The following KNL1 variants were observed in gnomAD, a reference collection of about 807,000 sequenced individuals.
KNL1 encodes the protein outer kinetochore KNL1 complex subunit KNL1.
A neutral mutation model predicts 201.3 loss-of-function variants in KNL1; 66 were observed. The ratio of observed to expected loss-of-function variants is 0.33; its 90% CI spans 0.27 to 0.40. KNL1 has a LOEUF of 0.40. Among genes scored for constraint, KNL1 ranks in the 10% least tolerant of loss-of-function variants. The probability of loss-of-function intolerance (pLI) is 1.00; values close to 1 mark genes in which losing one functional copy is unlikely to be tolerated. For synonymous variants in KNL1, 895 were observed against 899.2 expected (o/e 1.00, Z 0.08); for missense variants, 2,815 against 2,690.5 (o/e 1.05, Z -1.02).
rs770847630 is a variant in KNL1 at position 40,624,472 on chromosome 15, C to A, written c.4208C>A (p.Thr1403Asn). The change falls in exon 10 of 26, where the codon ACT (threonine) becomes AAT (asparagine). Residue 1403 changes from threonine (T) to asparagine (N), a missense_variant. Around this residue, in one of 3 missense-constraint regions of KNL1, gnomAD observed 2,464 missense variants for 2,291.7 expected, o/e 1.08. Transcript: ENST00000399668. The stretch of plus-strand genomic sequence containing the variant: ...CCACGAAATCTATTGGCTAATCAAA[C>A]TTTAGTATATAGTCAAGATCTGGGG... ...KDPRNLLANQ[T>N]LVYSQDLGEM... is the part of the protein sequence containing the mutation. The A allele has an allele frequency of 5.0e-6, 8 of 1,613,762 alleles. No individual in the cohort carries two copies. The highest frequency in any genetic ancestry group is 5.1e-6 in the Non-Finnish European group (6 of 1,179,850).
Position 40,621,840 on chromosome 15 carries a change from A to G in KNL1, c.1576A>G (p.Thr526Ala). The part of the protein sequence containing the change: ...KEMMLQNLMT[T>A]SEDGKMNVNC... ...AATGATGCTCCAAAATCTTATGACC[A>G]CATCAGAAGATGGGAAAATGAATGT... The change falls in exon 10 of 26, where the codon ACA becomes GCA. Residue 526 changes from threonine to alanine, a missense_variant. By Grantham distance (58) the Thr-to-Ala change is moderately conservative (BLOSUM62 0). This residue lies in a region of KNL1 where 2,464 missense variants were observed against 2,291.7 expected (regional missense o/e 1.08). Transcript: ENST00000399668. 3 of 1,613,602 alleles carry G rather than the reference A, an allele frequency of 1.9e-6. No individual in the cohort carries two copies. Among genetic ancestry groups the G allele is most frequent in the Non-Finnish European group, 2.5e-6 (3 of 1,179,494 alleles).
At position 40,629,369 on chromosome 15, in the gene KNL1, A is replaced by G. The variant is rs1016192551; in HGVS notation, c.5680A>G (p.Asn1894Asp). 6.3e-7 allele frequency: 1 copy of G among 1,591,726 alleles called. No homozygotes were observed. The highest frequency in any genetic ancestry group is 2.3e-5 in the East Asian group (1 of 43,944). Residue 1894 changes from asparagine (N) to aspartate (D), a missense_variant and splice_region_variant, in exon 13 of 26, where the codon AAT becomes GAT. By Grantham distance (23) the Asn-to-Asp change is conservative. Coordinates refer to ENST00000399668, the MANE Select transcript of KNL1 (RefSeq NM_144508.5). ...QKPRQSNLPG[N>D]FTVNTPPTPE... ...ACCCCGACAGAGCAATCTCCCAGGC[A>G]ATGTAAGTGCAGTTTCTTGGCAAAA...
rs1892515541 is a variant in KNL1, at chr15:40,621,267, A to G, written c.1003A>G (p.Asn335Asp). The G allele has an allele frequency of 1.2e-6, 2 of 1,613,902 alleles. No homozygotes were observed. The highest frequency in any genetic ancestry group is 1.3e-5 in the African/African-American group (1 of 74,938). Reference sequence around the variant, plus strand: ...TTTGCAGATCTTACCTGCAACAGGTAATTTTTCTGAAATAGAAAATCAAAC... The same window carrying G: ...TTTGCAGATCTTACCTGCAACAGGTGATTTTTCTGAAATAGAAAATCAAAC... ...HTLQILPATGNFSEIENQTQN... is the reference protein window; with the variant it reads ...HTLQILPATGDFSEIENQTQN... The change falls in exon 10 of 26, where the codon AAT (asparagine) becomes GAT (aspartate). Residue 335 changes from asparagine (N) to aspartate (D), a missense_variant. By Grantham distance (23) the Asn-to-Asp change is conservative (BLOSUM62 1). Transcript: ENST00000399668.
chr15:40,594,884 A>G (rs1185573333), intron 1 of KNL1, among the ~76,000 whole-genome samples: 1 of 152,256 alleles, frequency 6.6e-6, no homozygotes, highest in Non-Finnish European at 1.5e-5. Flanking sequence ...GGCCGCACGT[A>G]ACAGATTTTT....
At chr15:40,605,325 A>G (rs1595914836) in intron 3 of KNL1, among the ~76,000 whole-genome samples, 176 bp downstream of exon 3, 1 of 152,180 alleles carries the variant, frequency 6.6e-6, no homozygotes, top group Non-Finnish European at 1.5e-5. Flanking sequence ...ACCAAAATTC[A>G]TACTTTATGA....
chr15:40,652,527 T>C (rs912616135), intron 21 of KNL1, among the ~76,000 whole-genome samples: 5 of 150,564 alleles, frequency 3.3e-5, no homozygotes, highest in Non-Finnish European at 7.4e-5. Flanking sequence ...CCCAACACTT[T>C]GGGAGGCTGA....
At chr15:40,628,843 T>C (rs1269624657) in intron 12 of KNL1, among the ~76,000 whole-genome samples, 165 bp downstream of exon 12, 2 of 152,134 alleles carry the variant, frequency 1.3e-5, no homozygotes, top group African/African-American at 4.8e-5. Flanking sequence ...AACATAACAA[T>C]TAATTAAATG....
Position 40,623,286 on chromosome 15 carries a change from C to T in KNL1, c.3022C>T (p.Leu1008=). Residue 1008 remains leucine (L), a synonymous_variant, in exon 10 of 26, where the codon CTA becomes TTA. Coordinates refer to ENST00000399668, the MANE Select transcript of KNL1 (RefSeq NM_144508.5). ...FFPGNGESDR[L]VANDSQLTPL... ...TCCAGGAAATGGTGAAAGTGACCGT[C>T]TAGTAGCAAATGACAGCCAGCTAAC... is the stretch of plus-strand genomic sequence containing the variant. 1 of 1,613,854 alleles carries T rather than the reference C, an allele frequency of 6.2e-7. No homozygotes were observed. Among genetic ancestry groups the T allele is most frequent in the Non-Finnish European group, 8.5e-7 (1 of 1,179,860 alleles).
chr15:40,621,732 C>A lies in KNL1; in HGVS notation c.1468C>A (p.His490Asn). ...GGAGAACATGGACATTACCAAGAGT[C>A]ATACAGTTGCAATAGATAATCAAAT... is the stretch of plus-strand genomic sequence containing the variant. ...GEENMDITKSHTVAIDNQIFK... is the reference protein window; with the variant it reads ...GEENMDITKSNTVAIDNQIFK... Residue 490 changes from histidine to asparagine, a missense_variant, in exon 10 of 26, where the codon CAT becomes AAT. Transcript: ENST00000399668. 1 of 1,613,158 alleles carries A rather than the reference C, an allele frequency of 6.2e-7. No individual in the cohort carries two copies. The highest frequency in any genetic ancestry group is 1.1e-5 in the South Asian group (1 of 90,988).
chr15:40,661,844 C>T (rs185507753), intron 25 of KNL1, among the ~76,000 whole-genome samples: 205 of 152,160 alleles, frequency 1.3e-3, no homozygotes, highest in Admixed American at 1.7e-3. Flanking sequence ...AGATCGAGAC[C>T]ATCCTGAGTA....
In KNL1 at chr15:40,641,416, A is replaced by G. The variant is rs192143327; in HGVS notation, c.5798+389A>G. On this transcript the variant is annotated intron_variant, in intron 14 of 25. Coordinates refer to ENST00000399668, the MANE Select transcript of KNL1 (RefSeq NM_144508.5). ...TATGATATCATAAGTTGATTGCTAG[A>G]GAACACCTTCAAAAGAAAATATCCT... 2.6e-5 allele frequency among the ~76,000 whole-genome samples: 4 copies of G among 152,358 alleles called. No individual in the cohort carries two copies. In the East Asian group the frequency reaches 7.7e-4, roughly 29 times the overall value.
chr15:40,627,297 G>A (rs1012537685), intron 10 of KNL1, among the ~76,000 whole-genome samples: 2 of 152,166 alleles, frequency 1.3e-5, no homozygotes, highest in Non-Finnish European at 2.9e-5. Flanking sequence ...GGTTGATCAC[G>A]AGATCAGGAG....
rs1378046985 is a variant in KNL1, at chr15:40,624,631, G to A, written c.4367G>A (p.Gly1456Glu). ...STDQPPLPKK[G>E]QSSINKEEVI... ...GACCAACCTCCATTACCTAAAAAAG[G>A]ACAGAGTAGTATCAATAAAGAAGAA... Residue 1456 changes from glycine to glutamate, a missense_variant, in exon 10 of 26, where the codon GGA becomes GAA. By Grantham distance (98) the Gly-to-Glu change is moderately conservative (BLOSUM62 -2). Coordinates refer to ENST00000399668, the MANE Select transcript of KNL1 (RefSeq NM_144508.5). 6.2e-7 allele frequency: 1 copy of A among 1,613,740 alleles called. No homozygotes were observed. The highest frequency in any genetic ancestry group is 8.5e-7 in the Non-Finnish European group (1 of 1,179,890).
chr15:40,657,560 T>G, intron 24 of KNL1, 87 bp downstream of exon 24: 1 of 730,278 alleles, frequency 1.4e-6, no homozygotes, highest in South Asian at 1.6e-5. Flanking sequence ...AGGTCTGAGA[T>G]TAAGGTGTAA....
intron 8 of KNL1, among the ~76,000 whole-genome samples, chr15:40,616,826 T>G (rs1033644992): frequency 3.9e-5 from 6 of 152,340 alleles, no homozygotes; most frequent in African/African-American, 1.4e-4. Context: ...ACTTGGCCTG[T>G]TTTCTTCTCC....
chr15:40,650,667 A>C, intron 19 of KNL1, 84 bp downstream of exon 19: 1 of 1,246,180 alleles, frequency 8.0e-7, no homozygotes, highest in Non-Finnish European at 1.1e-6. Flanking sequence ...GACTGACAGG[A>C]TTTGGGGACA....
rs1211148455 is a variant in KNL1, at chr15:40,623,287, T to C, written c.3023T>C (p.Leu1008Pro). Reference sequence around the variant, plus strand: ...CCAGGAAATGGTGAAAGTGACCGTCTAGTAGCAAATGACAGCCAGCTAACC... The same window carrying C: ...CCAGGAAATGGTGAAAGTGACCGTCCAGTAGCAAATGACAGCCAGCTAACC... ...FFPGNGESDRLVANDSQLTPL... is the reference protein window; with the variant it reads ...FFPGNGESDRPVANDSQLTPL... The change falls in exon 10 of 26, where the codon CTA (leucine) becomes CCA (proline). Residue 1008 changes from leucine (L) to proline (P), a missense_variant. Leu to Pro is a moderately conservative substitution (Grantham distance 98). Around this residue, in one of 3 missense-constraint regions of KNL1, gnomAD observed 2,464 missense variants for 2,291.7 expected, o/e 1.08. Coordinates refer to ENST00000399668, the MANE Select transcript of KNL1 (RefSeq NM_144508.5). 1 of 1,613,928 alleles carries C rather than the reference T, an allele frequency of 6.2e-7. No homozygotes were observed. Among genetic ancestry groups the C allele is most frequent in the Non-Finnish European group, 8.5e-7 (1 of 1,179,860 alleles).
chr15:40,630,393 TAAA>T (rs1892879988), intron 13 of KNL1, among the ~76,000 whole-genome samples: 1 of 152,150 alleles, frequency 6.6e-6, no homozygotes, highest in Non-Finnish European at 1.5e-5. Context: ...TTAGAACTTA[TAAA>T]AGAACCAAAA....
intron 4 of KNL1, 96 bp from the exon 5 acceptor site, chr15:40,608,745 CAAAAAA>C (rs35446763): frequency 1.1e-5 from 6 of 535,634 alleles, no homozygotes; most frequent in South Asian, 2.7e-5. Context: ...AACTCCATCT[CAAAAAA>C]AAAAAAAAAA....
Sources: gnomAD v4.1 joint callset for allele counts (sites outside exome capture counted in the v4.1 genomes callset) on GRCh38, gnomAD v4.1.1 for gene constraint, gnomAD v4.1.1 regional missense constraint, MANE v1.5 for transcripts, NCBI Gene and HGNC (gene_info 2026-07-23, HGNC 2026-07-21) for gene names.